Variants in MARCHF5 observed in about 807,000 individuals in gnomAD.
MARCHF5 encodes membrane associated ring-CH-type finger 5.
In MARCHF5, 5 loss-of-function variants were observed where a neutral mutation model predicts 36.5. The ratio of observed to expected loss-of-function variants is 0.14; its 90% CI spans 0.07 to 0.29. The LOEUF is 0.29. MARCHF5 is among the 10% of genes least tolerant of loss of function. The probability of loss-of-function intolerance (pLI) is 1.00; values close to 1 mark genes in which losing one functional copy is unlikely to be tolerated. For synonymous variants in MARCHF5, 103 were observed against 109.9 expected, an observed-to-expected ratio of 0.94 and a Z score of 0.39; for missense variants, 179 against 336.3, an observed-to-expected ratio of 0.53 and a Z score of 3.66.
intron 1 of MARCHF5, among the ~76,000 whole-genome samples, chr10:92,309,801 A>AT (rs889579257): frequency 6.6e-6 from 1 of 152,184 alleles, no homozygotes; most frequent in Non-Finnish European, 1.5e-5. Flanking sequence ...AAAATGGTAG[A>AT]TTTTATGCTA....
chr10:92,325,118 C>T (rs1350403392), intron 2 of MARCHF5, among the ~76,000 whole-genome samples: 2 of 151,822 alleles, frequency 1.3e-5, no homozygotes, highest in East Asian at 1.9e-4. Context: ...GGATCATTTG[C>T]GCCTAGAAGT....
intron 2 of MARCHF5, among the ~76,000 whole-genome samples, chr10:92,321,067 A>G (rs1843283756): frequency 1.3e-5 from 2 of 152,088 alleles, no homozygotes; most frequent in Admixed American, 1.3e-4. Flanking sequence ...CAATACAGTA[A>G]CATGCTGTGC....
At chr10:92,330,255 C>G (rs1329875513) in intron 2 of MARCHF5, among the ~76,000 whole-genome samples, 2 of 152,178 alleles carry the variant, frequency 1.3e-5, no homozygotes, top group Admixed American at 6.5e-5. Context: ...TTTGGTCTTG[C>G]TCCCTAAGTC....
At chr10:92,318,166 C>T (rs1378965070) in intron 2 of MARCHF5, among the ~76,000 whole-genome samples, 1 of 152,088 alleles carries the variant, frequency 6.6e-6, no homozygotes, top group Admixed American at 6.6e-5. Context: ...GTGGCTCATA[C>T]CTGTAATCCC....
At position 92,352,125 on chromosome 10, in the gene MARCHF5, C is replaced by T. The variant is rs1253536343; in HGVS notation, c.*918C>T. ...TTATTGAGATATTCGTTGATCACCT[C>T]CTATTTCCCAGGCACTGTGCAGAGT... On this transcript the variant is annotated 3_prime_UTR_variant, in exon 6 of 6. Coordinates refer to ENST00000358935, the MANE Select transcript of MARCHF5 (RefSeq NM_017824.5). The T allele has an allele frequency of 6.6e-6, 1 of 152,614 alleles. No individual in the cohort carries two copies. The highest frequency in any genetic ancestry group is 1.5e-5 in the Non-Finnish European group (1 of 68,038). 9.5% of individuals were successfully genotyped at this position (152,614 alleles called of 1,614,324 possible).
In MARCHF5 at chr10:92,350,613, C is replaced by T. The variant is rs1378248975; in HGVS notation, c.721-478C>T. ...TTCCCAGTAGATAAGTTCAAGGAGCCCTGCACCAGGGAGTGATGGCCCCCA... is the reference window on the plus strand; with the variant it reads ...TTCCCAGTAGATAAGTTCAAGGAGCTCTGCACCAGGGAGTGATGGCCCCCA... On this transcript the variant is annotated intron_variant, in intron 5 of 5. Coordinates refer to ENST00000358935, the MANE Select transcript of MARCHF5 (RefSeq NM_017824.5). 3.9e-5 allele frequency among the ~76,000 whole-genome samples: 6 copies of T among 152,254 alleles called. No homozygotes were observed. In the East Asian group the frequency reaches 1.2e-3, roughly 29 times the overall value.
chr10:92,302,165 C>CT (rs959483597), intron 1 of MARCHF5, among the ~76,000 whole-genome samples: 5 of 151,968 alleles, frequency 3.3e-5, no homozygotes, highest in African/African-American at 1.2e-4. Flanking sequence ...AGTACAGACT[C>CT]TTTTTTTTCC....
chr10:92,299,901 G>A (rs1216711700), intron 1 of MARCHF5, among the ~76,000 whole-genome samples: 2 of 151,988 alleles, frequency 1.3e-5, no homozygotes, highest in Non-Finnish European at 2.9e-5. Context: ...TTGAGATTAA[G>A]TTCAGGGCTG....
At chr10:92,323,612 T>C (rs1843316923) in intron 2 of MARCHF5, among the ~76,000 whole-genome samples, 3 of 152,154 alleles carry the variant, frequency 2.0e-5, no homozygotes, top group South Asian at 2.1e-4. Context: ...TCTTTTTTTT[T>C]CTCCATGGTT....
At chr10:92,348,224 C>T (rs972471301) in intron 3 of MARCHF5, among the ~76,000 whole-genome samples, 1 of 148,978 alleles carries the variant, frequency 6.7e-6, no homozygotes, top group Non-Finnish European at 1.5e-5. Context: ...CACGGTGGCT[C>T]GCGCCTGTAA....
intron 5 of MARCHF5, 164 bp downstream of exon 5, chr10:92,350,001 A>G: frequency 3.3e-6 from 2 of 606,992 alleles, no homozygotes; most frequent in South Asian, 4.2e-5. Context: ...AAATAAAAAG[A>G]GGAGAAACCA....
intron 1 of MARCHF5, among the ~76,000 whole-genome samples, chr10:92,299,425 G>A (rs933095783): frequency 2.6e-5 from 4 of 152,036 alleles, no homozygotes; most frequent in African/African-American, 7.2e-5. Context: ...ATTGACCCCT[G>A]AACATATCCT....
intron 2 of MARCHF5, among the ~76,000 whole-genome samples, chr10:92,312,299 A>G (rs187901179): frequency 7.9e-5 from 12 of 152,370 alleles, no homozygotes; most frequent in Admixed American, 6.5e-4. Context: ...AAGATTAATA[A>G]TAAGGGCAAA....
At chr10:92,327,364 CTG>C (rs1055686567) in intron 2 of MARCHF5, among the ~76,000 whole-genome samples, 11 of 144,364 alleles carry the variant, frequency 7.6e-5, no homozygotes, top group African/African-American at 2.6e-4. Flanking sequence ...AAAAAAAAAA[CTG>C]TGTTCATACA....
At chr10:92,337,080 C>T (rs1245788378) in intron 2 of MARCHF5, among the ~76,000 whole-genome samples, 2 of 151,230 alleles carry the variant, frequency 1.3e-5, no homozygotes, top group Non-Finnish European at 1.5e-5. Context: ...CAAGATGACG[C>T]CATTGCACTT....
intron 2 of MARCHF5, among the ~76,000 whole-genome samples, chr10:92,323,155 C>T (rs964095873): frequency 1.3e-5 from 2 of 152,166 alleles, no homozygotes; most frequent in South Asian, 2.1e-4. Flanking sequence ...GATCTTCCTG[C>T]GTCAGTATCC....
Position 92,311,123 on chromosome 10 carries a change from T to G in MARCHF5, c.36-12T>G. 1 of 1,477,144 alleles carries G rather than the reference T, an allele frequency of 6.8e-7. No individual in the cohort carries two copies. Among genetic ancestry groups the G allele is most frequent in the African/African-American group, 1.4e-5 (1 of 73,544 alleles). The allele number at this position is 1,477,144 out of a possible 1,614,324, so 91.5% of individuals were successfully genotyped here. Reference sequence around the variant, plus strand: ...AGATATAAATGTCATCCTTTTCTCTTTTAATTTACAGAAGTTGCTGGGTTT... The same window carrying G: ...AGATATAAATGTCATCCTTTTCTCTGTTAATTTACAGAAGTTGCTGGGTTT... On this transcript the variant is annotated splice_polypyrimidine_tract_variant and intron_variant, in intron 1 of 5. Transcript: ENST00000358935.
chr10:92,332,028 G>C (rs1336445175), intron 2 of MARCHF5, among the ~76,000 whole-genome samples: 1 of 147,076 alleles, frequency 6.8e-6, no homozygotes, highest in Non-Finnish European at 1.5e-5. Context: ...TATTCTTCAG[G>C]GTTGTTTGGG....
chr10:92,317,854 A>G (rs780977742), intron 2 of MARCHF5, among the ~76,000 whole-genome samples: 1 of 150,120 alleles, frequency 6.7e-6, no homozygotes, highest in Non-Finnish European at 1.5e-5. Context: ...GGGTTCTGTC[A>G]GTTCTCCTGT....
Sources: gnomAD v4.1 joint callset for allele counts (sites outside exome capture counted in the v4.1 genomes callset) on GRCh38, gnomAD v4.1.1 for gene constraint, MANE v1.5 for transcripts, NCBI Gene and HGNC (gene_info 2026-07-23, HGNC 2026-07-21) for gene names.